The following SLC17A6 variants were observed in gnomAD, a reference collection of about 807,000 sequenced individuals.
The protein encoded by SLC17A6 is solute carrier family 17 member 6, also known as vesicular glutamate transporter 2.
SLC17A6 carries 35 observed loss-of-function variants against 67.1 expected under a neutral mutation model. The observed-to-expected ratio is 0.52, with a 90% CI of 0.40 to 0.69. The LOEUF is 0.69. Among genes scored for constraint, SLC17A6 ranks in the 30% least tolerant of loss-of-function variants. The pLI is 0.00. For missense variants in SLC17A6, 588 were observed against 723.9 expected (o/e 0.81, Z 2.15); for synonymous variants, 285 against 252.3 (o/e 1.13, Z -1.23).
Position 22,341,600 on chromosome 11 carries a change from C to G in SLC17A6, c.159C>G (p.Pro53=), listed in dbSNP as rs756613386. The G allele has an allele frequency of 6.2e-6, 10 of 1,613,988 alleles. 1 individual carries two copies. Among genetic ancestry groups the G allele is most frequent in the South Asian group, 5.5e-5 (5 of 91,074 alleles). ...AGGATGGGAAGCCCCTAGAGGTGCC[C>G]GAGAGGAAGGCGCCGCTGTGCGACT... ...LTEDGKPLEV[P]ERKAPLCDCT... Residue 53 remains proline, a synonymous_variant, in exon 2 of 12, where the codon CCC becomes CCG. Transcript: ENST00000263160.
Position 22,373,107 on chromosome 11 carries a change from A to G in SLC17A6, c.1042-1648A>G, listed in dbSNP as rs1856192730. On this transcript the variant is annotated intron_variant, in intron 8 of 11. Coordinates refer to ENST00000263160, the MANE Select transcript of SLC17A6 (RefSeq NM_020346.3). ...TTGCTGAAAGTGTGAAAAAATAACCATAGCTTTGTTCCTTTCTTATCCAAA... is the reference window on the plus strand; with the variant it reads ...TTGCTGAAAGTGTGAAAAAATAACCGTAGCTTTGTTCCTTTCTTATCCAAA... Among the ~76,000 whole-genome samples, 3 of 152,210 alleles carry G rather than the reference A, an allele frequency of 2.0e-5. No individual in the cohort carries two copies. The South Asian group carries it at 6.2e-4, about 31-fold the overall frequency.
chr11:22,362,630 T>C lies in SLC17A6; in HGVS notation c.662-109T>C, dbSNP rs117931713. The C allele has an allele frequency of 7.8e-3, 6,629 of 845,914 alleles. 30 individuals carry two copies. Among genetic ancestry groups the C allele is most frequent in the Non-Finnish European group, 0.01 (5,223 of 504,890 alleles). 52.4% of individuals were successfully genotyped at this position (845,914 alleles called of 1,614,324 possible). Reference sequence around the variant, plus strand: ...GGTATGTGCATGGGTGTGAGGCCCATGTACCTGAGTGTTCCAGCGTCTGTG... The same window carrying C: ...GGTATGTGCATGGGTGTGAGGCCCACGTACCTGAGTGTTCCAGCGTCTGTG... On this transcript the variant is annotated intron_variant, in intron 5 of 11. Transcript: ENST00000263160.
Position 22,349,874 on chromosome 11 carries a change from GAGTC to G in SLC17A6, c.458+6514_458+6517del, listed in dbSNP as rs1428805259. On this transcript the variant is annotated intron_variant, in intron 3 of 11. Transcript: ENST00000263160. ...TTAGATTAAATAGATTAAACAGCCTGAGTCAGTCTGCTGCAGACCCTCCAGGAAA... is the reference window on the plus strand; with the variant it reads ...TTAGATTAAATAGATTAAACAGCCTGAGTCTGCTGCAGACCCTCCAGGAAA... Among the ~76,000 whole-genome samples, 5 of 152,316 alleles carry G rather than the reference GAGTC, an allele frequency of 3.3e-5. No individual in the cohort carries two copies. The East Asian group carries it at 9.6e-4, about 29-fold the overall frequency.
intron 3 of SLC17A6, among the ~76,000 whole-genome samples, chr11:22,346,836 A>G (rs1855882290): frequency 6.7e-6 from 1 of 148,342 alleles, no homozygotes; most frequent in Non-Finnish European, 1.5e-5. Context: ...AAATATATAT[A>G]AATATATAAA....
At chr11:22,355,620 CCTT>C (rs1439344707) in intron 3 of SLC17A6, among the ~76,000 whole-genome samples, 1 of 152,116 alleles carries the variant, frequency 6.6e-6, no homozygotes, top group African/African-American at 2.4e-5. Context: ...TCACCCTTCA[CCTT>C]CTTGGACTAT....
intron 11 of SLC17A6, among the ~76,000 whole-genome samples, chr11:22,376,939 C>A (rs1000981412): frequency 2.0e-5 from 3 of 152,084 alleles, no homozygotes; most frequent in Admixed American, 2.0e-4. Flanking sequence ...CCTTTTGTCT[C>A]TAGCTTATTA....
At chr11:22,373,942 G>A (rs1856201997) in intron 8 of SLC17A6, among the ~76,000 whole-genome samples, 1 of 152,174 alleles carries the variant, frequency 6.6e-6, no homozygotes, top group African/African-American at 2.4e-5. Flanking sequence ...AATGCCATCT[G>A]CCAACAATTG....
rs758391749 is a variant in SLC17A6 at position 22,343,380 on chromosome 11, G to A, written c.458+15G>A. On this transcript the variant is annotated intron_variant, in intron 3 of 11. Coordinates refer to ENST00000263160, the MANE Select transcript of SLC17A6 (RefSeq NM_020346.3). ...GCAGCCAACAGGTAATGCGCCAGGCGGGACTGGGGCTCGGGGCGTGGTGTT... is the reference window on the plus strand; with the variant it reads ...GCAGCCAACAGGTAATGCGCCAGGCAGGACTGGGGCTCGGGGCGTGGTGTT... 3 of 1,590,262 alleles carry A rather than the reference G, an allele frequency of 1.9e-6. No homozygotes were observed. The highest frequency in any genetic ancestry group is 1.4e-5 in the African/African-American group (1 of 73,666).
At chr11:22,370,474 T>A (rs912750847) in intron 8 of SLC17A6, among the ~76,000 whole-genome samples, 1 of 152,038 alleles carries the variant, frequency 6.6e-6, no homozygotes, top group Non-Finnish European at 1.5e-5. Flanking sequence ...TGTAATCTTT[T>A]CCCTGTAAAT....
At chr11:22,351,489 A>C (rs1299535997) in intron 3 of SLC17A6, among the ~76,000 whole-genome samples, 1 of 152,172 alleles carries the variant, frequency 6.6e-6, no homozygotes, top group Non-Finnish European at 1.5e-5. Flanking sequence ...TACTCTTGAG[A>C]AAACTGAATA....
intron 3 of SLC17A6, among the ~76,000 whole-genome samples, chr11:22,344,003 C>A (rs961265676): frequency 1.3e-5 from 2 of 152,114 alleles, no homozygotes; most frequent in African/African-American, 4.8e-5. Context: ...TTCCCAGAAG[C>A]GCCACCAACG....
chr11:22,361,249 T>C (rs925136577), intron 5 of SLC17A6: 6 of 311,104 alleles, frequency 1.9e-5, no homozygotes, highest in Non-Finnish European at 2.4e-5. Context: ...GTTTTTATAA[T>C]ACTCTTATAC....
chr11:22,356,794 C>T (rs1855997119), intron 3 of SLC17A6, among the ~76,000 whole-genome samples: 1 of 152,302 alleles, frequency 6.6e-6, no homozygotes, highest in Non-Finnish European at 1.5e-5. Flanking sequence ...AAAGATAGTG[C>T]CACTGCACTC....
chr11:22,360,803 AG>A, intron 4 of SLC17A6, 93 bp from the exon 5 acceptor site: 1 of 963,260 alleles, frequency 1.0e-6, no homozygotes, highest in South Asian at 1.8e-5. Flanking sequence ...TTGAGGTGGA[AG>A]GAAGTCTGAA....
At chr11:22,374,409 C>CCT (rs146775795) in intron 8 of SLC17A6, among the ~76,000 whole-genome samples, 5 of 150,178 alleles carry the variant, frequency 3.3e-5, no homozygotes, top group South Asian at 2.1e-4. Context: ...ATGTATTTTT[C>CCT]CTCTCTCTCT....
At chr11:22,374,451 G>A (rs900583380) in intron 8 of SLC17A6, among the ~76,000 whole-genome samples, 6 of 151,558 alleles carry the variant, frequency 4.0e-5, no homozygotes, top group African/African-American at 1.5e-4. Flanking sequence ...TTCACTAAGG[G>A]TGTATTCGTG....
chr11:22,344,848 T>G lies in SLC17A6; in HGVS notation c.458+1483T>G, dbSNP rs182326215. 6.0e-4 allele frequency among the ~76,000 whole-genome samples: 91 copies of G among 152,318 alleles called. 1 individual carries two copies. The East Asian group carries it at 0.016, about 27-fold the overall frequency. Reference sequence around the variant, plus strand: ...TTATTGATTATGAGCATGTTATATTTTTGGTTTTTAGATCCCCAATATATA... The same window carrying G: ...TTATTGATTATGAGCATGTTATATTGTTGGTTTTTAGATCCCCAATATATA... On this transcript the variant is annotated intron_variant, in intron 3 of 11. Coordinates refer to ENST00000263160, the MANE Select transcript of SLC17A6 (RefSeq NM_020346.3).
intron 3 of SLC17A6, among the ~76,000 whole-genome samples, chr11:22,345,630 T>C (rs1855867995): frequency 6.6e-6 from 1 of 152,192 alleles, no homozygotes; most frequent in Non-Finnish European, 1.5e-5. Context: ...TAAAAATGTA[T>C]TGTAAAATAT....
Position 22,371,387 on chromosome 11 carries a change from G to T in SLC17A6, c.1041+1199G>T, listed in dbSNP as rs147107329. ...GAGTAGCTATTCTAAGAGCTCTTTTGTAATTCCTGTTTCTAAGGAAACTGT... is the reference window on the plus strand; with the variant it reads ...GAGTAGCTATTCTAAGAGCTCTTTTTTAATTCCTGTTTCTAAGGAAACTGT... On this transcript the variant is annotated intron_variant, in intron 8 of 11. Coordinates refer to ENST00000263160, the MANE Select transcript of SLC17A6 (RefSeq NM_020346.3). 8.3e-3 allele frequency among the ~76,000 whole-genome samples: 1,261 copies of T among 152,108 alleles called. 6 individuals carry two copies. Among genetic ancestry groups the T allele is most frequent in the Non-Finnish European group, 0.014 (931 of 67,948 alleles).
Sources: allele counts gnomAD v4.1 joint callset (sites outside exome capture counted in the v4.1 genomes callset), GRCh38; gene constraint gnomAD v4.1.1; transcripts MANE v1.5; gene names NCBI Gene and HGNC (gene_info 2026-07-23, HGNC 2026-07-21).